Variants in SPRY3 observed in about 807,000 individuals in gnomAD.
SPRY3 encodes protein sprouty homolog 3.
Under a neutral mutation model 20.2 loss-of-function variants are expected in SPRY3, and 15 were observed. The observed-to-expected ratio is 0.74, with a 90% confidence interval of 0.50 to 1.14. The LOEUF (loss-of-function observed/expected upper bound fraction) is 1.14, where lower values mean the gene tolerates loss of function less well. SPRY3 is among the 50% of genes most tolerant of loss of function. The pLI is 0.00. For missense variants in SPRY3, 364 were observed against 363.9 expected (o/e 1.00, Z 0.00); for synonymous variants, 143 against 136.5 (o/e 1.05, Z -0.33).
At chrX:155,616,747 G>A (rs2067855185) in intron 1 of SPRY3, among the ~76,000 whole-genome samples, 1 of 110,988 alleles carries the variant, frequency 9.0e-6, no homozygotes, top group African/African-American at 3.3e-5. Flanking sequence ...GGTGAGCGAT[G>A]TCACATATAC....
At chrX:155,774,302 T>A in exon 4 of SPRY3, 2 of 1,614,018 alleles carry the variant, frequency 1.2e-6, no homozygotes, top group Non-Finnish European at 1.7e-6. Context: ...AGTGAGCACC[T>A]CTTCATCTGT....
chrX:155,675,678 A>G (rs2068056962), intron 2 of SPRY3, among the ~76,000 whole-genome samples: 1 of 111,725 alleles, frequency 9.0e-6, no homozygotes, highest in African/African-American at 3.3e-5. Flanking sequence ...TATGCCAGCT[A>G]TTGACAATGT....
At chrX:155,764,974 C>T (rs2091318892) in intron 2 of SPRY3, among the ~76,000 whole-genome samples, 1 of 152,154 alleles carries the variant, frequency 6.6e-6, no homozygotes, top group Non-Finnish European at 1.5e-5. Context: ...GTCCGACTTC[C>T]TCATAGACAG....
chrX:155,756,044 A>G (rs1339494734), intron 2 of SPRY3, among the ~76,000 whole-genome samples: 1 of 151,964 alleles, frequency 6.6e-6, no homozygotes, highest in East Asian at 1.9e-4. Context: ...CAGAAAAGAA[A>G]CCCTTGTTTG....
chrX:155,713,175 G>A (rs1446824370), intron 2 of SPRY3, among the ~76,000 whole-genome samples: 1 of 151,882 alleles, frequency 6.6e-6, no homozygotes, highest in Non-Finnish European at 1.5e-5. Flanking sequence ...CATGTGCCAT[G>A]GTGGTTTGCT....
intron 2 of SPRY3, among the ~76,000 whole-genome samples, chrX:155,741,995 A>G (rs1353847055): frequency 6.6e-6 from 1 of 152,136 alleles, no homozygotes; most frequent in African/African-American, 2.4e-5. Context: ...ACGCATAACA[A>G]TATTAACCTT....
chrX:155,703,795 C>T (rs1441774287), intron 2 of SPRY3, among the ~76,000 whole-genome samples: 1 of 151,868 alleles, frequency 6.6e-6, no homozygotes, highest in Non-Finnish European at 1.5e-5. Context: ...GAATGTGTCC[C>T]AGAGATTCTG....
Position 155,659,387 on chromosome X carries a change from C to T in SPRY3, c.-282+2362C>T, listed in dbSNP as rs941886029. On this transcript the variant is annotated intron_variant, in intron 2 of 3. Coordinates refer to ENST00000675360, the Ensembl canonical transcript of SPRY3. ...GTCTCGATCTCATGACCTCGTGATC[C>T]GCCCGCCTTGGCCTCCTAAAGTGCT... Among the ~76,000 whole-genome samples, 8 of 110,166 alleles carry T rather than the reference C, an allele frequency of 7.3e-5. No homozygotes were observed. In the South Asian group the frequency reaches 1.6e-3, roughly 22 times the overall value.
chrX:155,744,173 A>G (rs1158737950), intron 2 of SPRY3, among the ~76,000 whole-genome samples: 1 of 152,114 alleles, frequency 6.6e-6, no homozygotes, highest in African/African-American at 2.4e-5. Flanking sequence ...AAAACATGTA[A>G]TTCAAGGCAG....
intron 2 of SPRY3, among the ~76,000 whole-genome samples, chrX:155,662,232 T>A (rs1557353772): frequency 9.0e-6 from 1 of 110,860 alleles, no homozygotes; most frequent in Non-Finnish European, 1.9e-5. Context: ...CCCCCTTGAG[T>A]GTGTGACTGT....
chrX:155,770,628 T>TTCTCTCTCTC (rs371698358), intron 3 of SPRY3, among the ~76,000 whole-genome samples: 14 of 146,546 alleles, frequency 9.6e-5, no homozygotes, highest in African/African-American at 2.8e-4. Context: ...GATGTGTACA[T>TTCTCTCTCTC]TCTCTCTCTC....
At chrX:155,714,455 A>G (rs2091007526) in intron 2 of SPRY3, among the ~76,000 whole-genome samples, 1 of 152,158 alleles carries the variant, frequency 6.6e-6, no homozygotes. Flanking sequence ...TAAGATCTGG[A>G]AGAATTATCT....
chrX:155,740,652 C>G (rs760400982), intron 2 of SPRY3, among the ~76,000 whole-genome samples: 1 of 152,168 alleles, frequency 6.6e-6, no homozygotes, highest in East Asian at 1.9e-4. Context: ...GCTCTCGAAC[C>G]CTGTTTTCTG....
chrX:155,769,308 G>T (rs140774692), intron 3 of SPRY3, among the ~76,000 whole-genome samples: 2,063 of 152,206 alleles, frequency 0.014, 20 homozygotes, highest in South Asian at 0.035. Flanking sequence ...CTAAAGGAAA[G>T]GACACTAATT....
intron 3 of SPRY3, 113 bp downstream of exon 2, chrX:155,768,249 CGCTTGGGCGCGCGCGCGCAA>C (rs2091356676): frequency 6.6e-6 from 1 of 150,678 alleles, no homozygotes; most frequent in African/African-American, 2.5e-5. Flanking sequence ...GTGTGCCGCG[CGCTTGGGCGCGCGCGCGCAA>C]GCGCATGGAT....
At chrX:155,688,194 G>C (rs753787209) in intron 2 of SPRY3, among the ~76,000 whole-genome samples, 7 of 109,958 alleles carry the variant, frequency 6.4e-5, no homozygotes, top group Non-Finnish European at 1.1e-4. Context: ...CTCCATTCGT[G>C]TCCCCGAAGA....
intron 2 of SPRY3, among the ~76,000 whole-genome samples, chrX:155,723,566 C>T (rs768388988): frequency 6.6e-6 from 1 of 152,266 alleles, no homozygotes; most frequent in South Asian, 2.1e-4. Flanking sequence ...TGTCTGTTGG[C>T]TGCATAAATG....
chrX:155,728,744 A>G (rs927717094), intron 2 of SPRY3, among the ~76,000 whole-genome samples: 5 of 152,140 alleles, frequency 3.3e-5, no homozygotes, highest in East Asian at 1.9e-4. Flanking sequence ...TGAAAGGGAA[A>G]TCCCCTGACC....
intron 2 of SPRY3, among the ~76,000 whole-genome samples, chrX:155,747,214 A>G (rs2091231956): frequency 6.6e-6 from 1 of 151,898 alleles, no homozygotes; most frequent in Admixed American, 6.6e-5. Context: ...GCTTAATCTA[A>G]TTTTCAACTA....
Sources: gnomAD v4.1 joint callset for allele counts (sites outside exome capture counted in the v4.1 genomes callset) on GRCh38, gnomAD v4.1.1 for gene constraint, MANE v1.5 for transcripts, NCBI Gene and HGNC (gene_info 2026-07-23, HGNC 2026-07-21) for gene names.